Variants in USH2A observed in about 807,000 individuals in gnomAD.
The protein encoded by USH2A is usherin.
A neutral mutation model predicts 538.9 loss-of-function variants in USH2A; 443 were observed. That is an observed-to-expected ratio of 0.82 (90% confidence interval 0.76 to 0.89). The LOEUF is 0.89. Among genes scored for constraint, USH2A ranks in the 40% least tolerant of loss-of-function variants. USH2A has a pLI of 0.00. For missense variants in USH2A, 6,633 were observed against 6,324.8 expected, an observed-to-expected ratio of 1.05 and a Z score of -1.65; for synonymous variants, 2,413 against 2,273.5, an observed-to-expected ratio of 1.06 and a Z score of -1.75.
chr1:215,904,738 A>C (rs1469237599), intron 38 of USH2A, among the ~76,000 whole-genome samples: 1 of 152,068 alleles, frequency 6.6e-6, no homozygotes, highest in Admixed American at 6.6e-5. Flanking sequence ...TGTCCAGTAA[A>C]TACTAATTCT....
chr1:216,365,126 C>A (rs1393353249), intron 3 of USH2A, 41 bp from the exon 4 acceptor site: 1 of 1,586,162 alleles, frequency 6.3e-7, no homozygotes, highest in South Asian at 1.2e-5. Flanking sequence ...AGTGCATAAA[C>A]TTTTATTTTA....
At chr1:216,175,218 G>A (rs762003911) in intron 21 of USH2A, 34 bp downstream of exon 21, 8 of 1,612,890 alleles carry the variant, frequency 5.0e-6, no homozygotes, top group Non-Finnish European at 6.8e-6. Context: ...GGAGCTTCGT[G>A]TCTCCTAAAT....
At chr1:216,134,232 T>G (rs1309480463) in intron 21 of USH2A, among the ~76,000 whole-genome samples, 1 of 152,106 alleles carries the variant, frequency 6.6e-6, no homozygotes, top group Non-Finnish European at 1.5e-5. Context: ...GTTTTGAAAA[T>G]TCTTCTCATA....
chr1:216,030,984 C>T (rs557923610), intron 32 of USH2A, among the ~76,000 whole-genome samples: 49 of 151,988 alleles, frequency 3.2e-4, no homozygotes, highest in Non-Finnish European at 6.6e-4. Context: ...TTAATTTCTG[C>T]CTTTTTTTTC....
intron 47 of USH2A, among the ~76,000 whole-genome samples, chr1:215,824,589 T>C (rs1036015706): frequency 6.6e-6 from 1 of 152,092 alleles, no homozygotes; most frequent in African/African-American, 2.4e-5. Flanking sequence ...CCACTCTGAT[T>C]TGGCATCTCC....
intron 43 of USH2A, among the ~76,000 whole-genome samples, chr1:215,868,071 G>A (rs1210082797): frequency 6.6e-6 from 1 of 152,108 alleles, no homozygotes; most frequent in Non-Finnish European, 1.5e-5. Context: ...AGGCATCCAG[G>A]ACACAGGGCA....
chr1:215,664,653 T>C (rs898132152), intron 64 of USH2A, among the ~76,000 whole-genome samples: 2 of 152,226 alleles, frequency 1.3e-5, no homozygotes, highest in Non-Finnish European at 2.9e-5. Flanking sequence ...ACTGACTGTT[T>C]TTGTCCCCTT....
At chr1:215,994,686 G>A (rs978596684) in intron 34 of USH2A, among the ~76,000 whole-genome samples, 6 of 151,954 alleles carry the variant, frequency 3.9e-5, no homozygotes, top group African/African-American at 1.5e-4. Context: ...GCCTTTCTGT[G>A]CAAGAAAAAA....
chr1:215,965,296 T>C (rs1261286144), intron 37 of USH2A, 21 bp downstream of exon 37: 1 of 1,607,022 alleles, frequency 6.2e-7, no homozygotes, highest in Non-Finnish European at 8.5e-7. Context: ...ATTTAAAGTT[T>C]AGAAAATAAA....
At chr1:216,122,802 G>C (rs1305415473) in intron 21 of USH2A, among the ~76,000 whole-genome samples, 1 of 152,108 alleles carries the variant, frequency 6.6e-6, no homozygotes, top group Non-Finnish European at 1.5e-5. Context: ...CTCCAGCCCT[G>C]GGAAGAAGAA....
In USH2A at chr1:215,727,322, AAATT is replaced by A. The variant is rs1659853114; in HGVS notation, c.12066+704_12066+707del. Among the ~76,000 whole-genome samples the A allele has an allele frequency of 3.3e-5, 5 of 152,270 alleles. No homozygotes were observed. The South Asian group carries it at 1.0e-3, about 32-fold the overall frequency. ...TATACTAGCTTGTTGGGGAAGTAGA[AAATT>A]AAATATTCTGTCTAATTTCATCTGA... On this transcript the variant is annotated intron_variant, in intron 61 of 71. Transcript: ENST00000307340.
intron 36 of USH2A, among the ~76,000 whole-genome samples, chr1:215,967,756 A>T (rs1667388219): frequency 6.6e-6 from 1 of 151,926 alleles, no homozygotes; most frequent in African/African-American, 2.4e-5. Context: ...TGCAAAAAAA[A>T]AAAATGTGAA....
At chr1:216,099,203 T>C (rs562980292) in intron 21 of USH2A, among the ~76,000 whole-genome samples, 4 of 152,292 alleles carry the variant, frequency 2.6e-5, no homozygotes, top group South Asian at 2.1e-4. Context: ...AAACTTGTCC[T>C]AGTGATTTTT....
rs573946635 is a variant in USH2A at position 215,761,374 on chromosome 1, C to A, written c.11048-1531G>T. ...GTTTCTCTGTATCGCATGGCCTTTT[C>A]TATTTCCTTCTTAACACTCAAGACA... On this transcript the variant is annotated intron_variant, in intron 56 of 71. Transcript: ENST00000307340. Among the ~76,000 whole-genome samples, 7 of 152,264 alleles carry A rather than the reference C, an allele frequency of 4.6e-5. No individual in the cohort carries two copies. The East Asian group carries it at 1.2e-3, about 25-fold the overall frequency.
Position 216,325,486 on chromosome 1 carries a change from G to A in USH2A, c.962C>T (p.Pro321Leu), listed in dbSNP as rs759065589. The change falls in exon 6 of 72, where the codon CCT (proline) becomes CTT (leucine). Residue 321 changes from proline (P) to leucine (L), a missense_variant. Physicochemically the swap from Pro to Leu is moderately conservative, Grantham distance 98. Transcript: ENST00000307340. ...ATCAGCTGTGTCTCCTGCATCATTA[G>A]GAATGCAGTACCGCTGTGCCAAAGG... is the stretch of plus-strand genomic sequence containing the variant. The part of the protein sequence containing the change: ...VHPLAQRYCI[P>L]NDAGDTADNR... 8 of 1,613,924 alleles carry A rather than the reference G, an allele frequency of 5.0e-6. No individual in the cohort carries two copies. Among genetic ancestry groups the A allele is most frequent in the East Asian group, 2.2e-5 (1 of 44,818 alleles).
In USH2A at chr1:215,845,831, G is replaced by C; in HGVS notation, c.9048C>G (p.Cys3016Trp). The change falls in exon 45 of 72, where the codon TGC (cysteine) becomes TGG (tryptophan). Residue 3016 changes from cysteine to tryptophan, a missense_variant. Physicochemically the swap from Cys to Trp is radical, Grantham distance 215. Coordinates refer to ENST00000307340, the MANE Select transcript of USH2A (RefSeq NM_206933.4). The stretch of plus-strand genomic sequence containing the variant: ...TTTAGAATCTGGACTCACCCCCATC[G>C]CAAGTGGTTGCATGAAGTCCTGCAC... ...INSAGLHATTCDGEPQGMLPP... is the reference protein window; with the variant it reads ...INSAGLHATTWDGEPQGMLPP... 1 of 1,613,484 alleles carries C rather than the reference G, an allele frequency of 6.2e-7. No homozygotes were observed. The highest frequency in any genetic ancestry group is 1.1e-5 in the South Asian group (1 of 91,066).
intron 3 of USH2A, among the ~76,000 whole-genome samples, chr1:216,374,099 T>G (rs12728756): frequency 9.3e-6 from 1 of 107,768 alleles, no homozygotes; most frequent in Non-Finnish European, 1.8e-5. Context: ...ACTGGGGACT[T>G]TTGTGGGGTG....
chr1:215,832,865 G>A (rs1440912488), intron 47 of USH2A, among the ~76,000 whole-genome samples: 2 of 151,902 alleles, frequency 1.3e-5, no homozygotes, highest in Non-Finnish European at 3.0e-5. Context: ...AAGGAGTTTA[G>A]CAAGTTTGCT....
intron 4 of USH2A, among the ~76,000 whole-genome samples, chr1:216,355,343 G>T (rs1237582422): frequency 6.8e-6 from 1 of 147,632 alleles, no homozygotes; most frequent in Non-Finnish European, 1.5e-5. Flanking sequence ...AAGAAAGAAA[G>T]AAAGAAAGAA....
Sources: gnomAD v4.1 joint callset for allele counts (sites outside exome capture counted in the v4.1 genomes callset) on GRCh38, gnomAD v4.1.1 for gene constraint, MANE v1.5 for transcripts, NCBI Gene and HGNC (gene_info 2026-07-23, HGNC 2026-07-21) for gene names.